Variants in PCDHGB6 observed in about 807,000 individuals in gnomAD.
The protein encoded by PCDHGB6 is protocadherin gamma subfamily B, 6, also known as protocadherin gamma-B6.
Under a neutral mutation model 59.1 loss-of-function variants are expected in PCDHGB6, and 51 were observed. The ratio of observed to expected loss-of-function variants is 0.86; its 90% CI spans 0.69 to 1.09. PCDHGB6 has a LOEUF of 1.09. Ranked by LOEUF, PCDHGB6 falls within the 50% of genes least tolerant of loss-of-function variation. PCDHGB6 has a pLI of 0.00. For synonymous variants in PCDHGB6, 466 were observed against 495.1 expected (o/e 0.94, Z 0.78); for missense variants, 1,148 against 1,205.1 (o/e 0.95, Z 0.70).
chr5:141,497,626 G>T (rs1373764805), intron 2 of PCDHGB6, among the ~76,000 whole-genome samples: 3 of 149,502 alleles, frequency 2.0e-5, no homozygotes, highest in Non-Finnish European at 4.4e-5. Flanking sequence ...TGCAACCTCT[G>T]CCTGCCAGGT....
At chr5:141,459,735 T>A (rs114520602) in intron 1 of PCDHGB6, among the ~76,000 whole-genome samples, 1 of 152,374 alleles carries the variant, frequency 6.6e-6, no homozygotes, top group Non-Finnish European at 1.5e-5. Flanking sequence ...GTCAATTTTT[T>A]AAATTTTAGC....
At position 141,432,688 on chromosome 5, in the gene PCDHGB6, A is replaced by G. The variant is rs143889434; in HGVS notation, c.2418+22068A>G. On this transcript the variant is annotated intron_variant, in intron 1 of 3. Coordinates refer to ENST00000520790, the MANE Select transcript of PCDHGB6 (RefSeq NM_018926.3). The surrounding 1 kb of genome is among the most constrained non-coding windows in gnomAD (Gnocchi z 6.0). ...GAGACGCGCTCAAGCAGAGCCTCGT[A>G]GTGGCCGTCCAGGACCACGGCCAGC... 2,218 of 1,613,894 alleles carry G rather than the reference A, an allele frequency of 1.4e-3. 31 individuals are homozygous for G. The African/African-American group carries it at 0.023, about 17-fold the overall frequency.
intron 2 of PCDHGB6, 50 bp from the exon 3 acceptor site, chr5:141,505,343 G>A: frequency 1.9e-6 from 3 of 1,612,934 alleles, no homozygotes; most frequent in Non-Finnish European, 2.5e-6. Flanking sequence ...GGAGGGGCAT[G>A]AGCTGTGCCG....
At chr5:141,433,849 A>AC (rs1304649814) in intron 1 of PCDHGB6, among the ~76,000 whole-genome samples, 10 of 152,030 alleles carry the variant, frequency 6.6e-5, no homozygotes, top group Admixed American at 1.3e-4. Flanking sequence ...AAAAAAAAAA[A>AC]AAAAAACTTT....
chr5:141,408,660 C>T lies in PCDHGB6; in HGVS notation c.458C>T (p.Ser153Leu). 6.2e-7 allele frequency: 1 copy of T among 1,613,980 alleles called. No homozygotes were observed. The highest frequency in any genetic ancestry group is 2.2e-5 in the East Asian group (1 of 44,882). The change falls in exon 1 of 4, where the codon TCG becomes TTG. Residue 153 changes from serine (S) to leucine (L), a missense_variant. Physicochemically the swap from Ser to Leu is moderately radical, Grantham distance 145. Around this residue, in one of 5 missense-constraint regions of PCDHGB6, gnomAD observed 307 missense variants for 323.8 expected, o/e 0.95. Coordinates refer to ENST00000520790, the MANE Select transcript of PCDHGB6 (RefSeq NM_018926.3). ...FESASAGTRL[S>L]LDPATDPDIN... is the part of the protein sequence containing the mutation. ...TCTGCATCCGCTGGTACACGACTATCGCTTGACCCTGCCACGGATCCTGAT... is the reference window on the plus strand; with the variant it reads ...TCTGCATCCGCTGGTACACGACTATTGCTTGACCCTGCCACGGATCCTGAT...
intron 1 of PCDHGB6, among the ~76,000 whole-genome samples, chr5:141,443,722 C>G (rs2098401001): frequency 6.6e-6 from 1 of 152,012 alleles, no homozygotes; most frequent in Admixed American, 6.6e-5. Context: ...TATAAAATTC[C>G]TCATACATTT....
intron 1 of PCDHGB6, among the ~76,000 whole-genome samples, chr5:141,449,339 G>T (rs1307731679): frequency 6.6e-6 from 1 of 151,930 alleles, no homozygotes; most frequent in Non-Finnish European, 1.5e-5. Context: ...AGGTGCAGTG[G>T]CTCACTCCTG....
chr5:141,438,627 TATATATATACAC>T (rs1324653166), intron 1 of PCDHGB6, among the ~76,000 whole-genome samples: 191 of 47,978 alleles, frequency 4.0e-3, no homozygotes, highest in African/African-American at 0.016. Flanking sequence ...TATATATATA[TATATATATACAC>T]ACACACACAC....
At chr5:141,464,000 T>C (rs1045842127) in intron 1 of PCDHGB6, among the ~76,000 whole-genome samples, 15 of 152,158 alleles carry the variant, frequency 9.9e-5, no homozygotes, top group Non-Finnish European at 1.3e-4. Context: ...GTGCAGTGGC[T>C]CATGCTTGTA....
intron 2 of PCDHGB6, among the ~76,000 whole-genome samples, chr5:141,499,576 G>C (rs2099792836): frequency 1.3e-5 from 2 of 151,790 alleles, no homozygotes; most frequent in Non-Finnish European, 2.9e-5. Context: ...TTCAACTAAT[G>C]CCTTATCTTG....
Position 141,476,013 on chromosome 5 carries a change from G to A in PCDHGB6, c.2419-18794G>A. ...AAATCAACGGCATCCAGAAAGCCAT[G>A]TCGGACTCGGCGCCCAGCGCCCAAG... On this transcript the variant is annotated intron_variant, in intron 1 of 3. Coordinates refer to ENST00000520790, the MANE Select transcript of PCDHGB6 (RefSeq NM_018926.3). The surrounding 1 kb of genome is among the most constrained non-coding windows in gnomAD (Gnocchi z 7.6). The A allele has an allele frequency of 7.5e-7, 1 of 1,334,720 alleles. No individual in the cohort carries two copies. The highest frequency in any genetic ancestry group is 1.0e-6 in the Non-Finnish European group (1 of 983,502). 82.7% of individuals were successfully genotyped at this position (1,334,720 alleles called of 1,614,324 possible). A position where few individuals can be genotyped will look rare whatever the true frequency, so the allele number is the denominator to read the frequency against.
At chr5:141,414,090 A>C (rs2095707874) in intron 1 of PCDHGB6, 4 of 1,598,352 alleles carry the variant, frequency 2.5e-6, no homozygotes, top group Non-Finnish European at 3.4e-6. Context: ...CTGGAGAAAT[A>C]AAAATATCAG....
chr5:141,509,477 G>A (rs753058277), intron 3 of PCDHGB6, among the ~76,000 whole-genome samples: 7 of 152,166 alleles, frequency 4.6e-5, no homozygotes, highest in African/African-American at 7.2e-5. Context: ...CAGGTGAGGG[G>A]TAGAGGTGAT....
intron 1 of PCDHGB6, among the ~76,000 whole-genome samples, chr5:141,443,505 A>G (rs553893860): frequency 4.4e-4 from 67 of 152,222 alleles, no homozygotes; most frequent in African/African-American, 1.4e-3. Context: ...AAACAAATAA[A>G]GAGCTTCTCT....
intron 1 of PCDHGB6, among the ~76,000 whole-genome samples, chr5:141,454,881 C>G (rs2098805859): frequency 7.4e-6 from 1 of 135,536 alleles, no homozygotes; most frequent in African/African-American, 2.8e-5. Flanking sequence ...GATCTTGGCT[C>G]ACTGCTAGCA....
intron 1 of PCDHGB6, chr5:141,492,003 T>G: frequency 1.6e-6 from 1 of 626,972 alleles, no homozygotes; most frequent in Non-Finnish European, 2.6e-6. Context: ...TCGGGCGATT[T>G]CCGCGGGTGT....
chr5:141,469,677 T>C (rs1271778909), intron 1 of PCDHGB6, among the ~76,000 whole-genome samples: 1 of 152,246 alleles, frequency 6.6e-6, no homozygotes, highest in African/African-American at 2.4e-5. Context: ...TAAAACTACA[T>C]ATGCATTGGT....
intron 1 of PCDHGB6, chr5:141,441,945 G>A: frequency 3.0e-6 from 1 of 333,884 alleles, no homozygotes; most frequent in Non-Finnish European, 5.8e-6. Flanking sequence ...ACCACGTGCT[G>A]CAGGCCAGCA....
intron 1 of PCDHGB6, among the ~76,000 whole-genome samples, chr5:141,471,855 G>A (rs955016680): frequency 3.3e-5 from 5 of 152,108 alleles, no homozygotes; most frequent in Non-Finnish European, 7.4e-5. Context: ...TTCAGAAAAA[G>A]CAAAACTGTG....
Sources: gnomAD v4.1 joint callset for allele counts (sites outside exome capture counted in the v4.1 genomes callset) on GRCh38, gnomAD v4.1.1 for gene constraint, gnomAD v4.1.1 regional missense constraint, Gnocchi (gnomAD v3.1) non-coding constraint, MANE v1.5 for transcripts, NCBI Gene and HGNC (gene_info 2026-07-23, HGNC 2026-07-21) for gene names.